TEKTL1: variants seen among roughly 807,000 people sequenced by gnomAD.
TEKTL1 encodes tektin-like protein 1.
the TEKTL1 span, among the ~76,000 whole-genome samples, chr19:15,019,766 T>C: frequency 6.6e-6 from 1 of 151,978 alleles, no homozygotes; most frequent in Non-Finnish European, 1.5e-5. Context: ...GGCAGGAAGA[T>C]TGCTTGAGCC....
the TEKTL1 span, among the ~76,000 whole-genome samples, chr19:15,019,465 A>G: frequency 2.0e-5 from 3 of 152,230 alleles, no homozygotes; most frequent in Admixed American, 1.3e-4. Context: ...CACATTGCAT[A>G]CACAAATCAA....
the TEKTL1 span, among the ~76,000 whole-genome samples, chr19:15,019,961 AC>A: frequency 5.5e-5 from 8 of 146,260 alleles, no homozygotes; most frequent in Admixed American, 2.0e-4. Context: ...GTGTCTCAAA[AC>A]AAAAAAAAAT....
chr19:15,013,873 A>G, the TEKTL1 span: 1 of 722,474 alleles, frequency 1.4e-6, no homozygotes, highest in Non-Finnish European at 2.4e-6. Flanking sequence ...CACAATAGCA[A>G]TTCCTTCAAG....
chr19:15,021,570 G>C, the TEKTL1 span: 1 of 1,613,426 alleles, frequency 6.2e-7, no homozygotes, highest in Non-Finnish European at 8.5e-7. Flanking sequence ...GGGAGGAGAC[G>C]CGGACTGGGA....
chr19:15,014,334 C>T, the TEKTL1 span, among the ~76,000 whole-genome samples: 1 of 152,164 alleles, frequency 6.6e-6, no homozygotes, highest in African/African-American at 2.4e-5. Context: ...GCTTTCGACT[C>T]ATCCTTTTGA....
the TEKTL1 span, chr19:15,013,661 T>C: frequency 1.3e-5 from 21 of 1,602,136 alleles, no homozygotes; most frequent in Non-Finnish European, 1.7e-5. Flanking sequence ...GATTCTCTCC[T>C]CGTTTTCTAG....
At chr19:15,020,643 G>A in the TEKTL1 span, 2 of 1,613,258 alleles carry the variant, frequency 1.2e-6, no homozygotes, top group Non-Finnish European at 1.7e-6. Flanking sequence ...CAGACCCTGT[G>A]GGCACCTATA....
chr19:15,021,213 C>T, the TEKTL1 span: 1 of 1,051,618 alleles, frequency 9.5e-7, no homozygotes, highest in Non-Finnish European at 1.3e-6. Flanking sequence ...ACACTATCCC[C>T]CGCGCCCCCT....
the TEKTL1 span, chr19:15,011,461 T>C: frequency 7.6e-7 from 1 of 1,308,164 alleles, no homozygotes; most frequent in Non-Finnish European, 9.9e-7. Flanking sequence ...CTATGCGGTG[T>C]CCAGCCCCGG....
At chr19:15,011,374 C>A in the TEKTL1 span, 1 of 1,444,348 alleles carries the variant, frequency 6.9e-7, no homozygotes. Flanking sequence ...AGCTGCGGGG[C>A]TACAGGCCCA....
At chr19:15,022,068 C>CACTGGGTACTGA in the TEKTL1 span, 18 of 674,868 alleles carry the variant, frequency 2.7e-5, no homozygotes, top group Admixed American at 3.2e-4. Context: ...GCGGGGGCTT[C>CACTGGGTACTGA]ACTGGGTACT....
At chr19:15,014,652 G>A in the TEKTL1 span, among the ~76,000 whole-genome samples, 1 of 150,186 alleles carries the variant, frequency 6.7e-6, no homozygotes, top group Non-Finnish European at 1.5e-5. Flanking sequence ...TGTGTTGACT[G>A]GGGAGTGGGG....
At chr19:15,020,341 T>G in the TEKTL1 span, 2 of 826,112 alleles carry the variant, frequency 2.4e-6, no homozygotes, top group Non-Finnish European at 3.7e-6. Context: ...TCAGTTTCCG[T>G]TTAGAGGTAG....
At chr19:15,015,334 T>C in the TEKTL1 span, among the ~76,000 whole-genome samples, 1 of 152,154 alleles carries the variant, frequency 6.6e-6, no homozygotes, top group East Asian at 1.9e-4. Flanking sequence ...AAGTCAAACC[T>C]CAAATTGGCA....
At chr19:15,020,325 A>ATTT in the TEKTL1 span, 1 of 696,792 alleles carries the variant, frequency 1.4e-6, no homozygotes, top group Non-Finnish European at 2.3e-6. Context: ...AAAAAAAATG[A>ATTT]GAGTGTCAGT....
At chr19:15,017,930 C>T in the TEKTL1 span, among the ~76,000 whole-genome samples, 7 of 152,068 alleles carry the variant, frequency 4.6e-5, no homozygotes, top group African/African-American at 1.7e-4. Context: ...TGTGGTGGCT[C>T]ACACCTGTAA....
At chr19:15,021,129 C>T in the TEKTL1 span, among the ~76,000 whole-genome samples, 1 of 152,154 alleles carries the variant, frequency 6.6e-6, no homozygotes, top group African/African-American at 2.4e-5. Context: ...GATCCACCCG[C>T]CTCAGCCTCC....
At chr19:15,020,649 C>T in the TEKTL1 span, 18 of 1,613,080 alleles carry the variant, frequency 1.1e-5, no homozygotes, top group East Asian at 3.8e-4. Flanking sequence ...CTGTGGGCAC[C>T]TATAACCCAG....
chr19:15,013,761 A>G, the TEKTL1 span: 29 of 1,612,348 alleles, frequency 1.8e-5, no homozygotes, highest in Non-Finnish European at 2.4e-5. Flanking sequence ...TGGAAAAATC[A>G]GAGGTCCTAC....
Sources: gnomAD v4.1 joint callset for allele counts (sites outside exome capture counted in the v4.1 genomes callset) on GRCh38, gnomAD v4.1.1 for gene constraint, MANE v1.5 for transcripts, NCBI Gene and HGNC (gene_info 2026-07-23, HGNC 2026-07-21) for gene names.